PELI2: variants seen among roughly 807,000 people sequenced by gnomAD.
PELI2 encodes the protein pellino E3 ubiquitin protein ligase family member 2.
Under a neutral mutation model 42.3 loss-of-function variants are expected in PELI2, and 23 were observed. That is an observed-to-expected ratio of 0.54 (90% CI 0.39 to 0.77). The LOEUF is 0.77. Ranked by LOEUF, PELI2 falls within the 30% of genes least tolerant of loss-of-function variation. PELI2 has a pLI of 0.00. For missense variants in PELI2, 463 were observed against 553.2 expected (o/e 0.84, Z 1.64); for synonymous variants, 245 against 212.2 (o/e 1.15, Z -1.34).
At position 56,290,298 on chromosome 14, in the gene PELI2, G is replaced by A. The variant is rs1014991210; in HGVS notation, c.538G>A (p.Gly180Ser). The A allele has an allele frequency of 1.6e-5, 26 of 1,599,908 alleles. No homozygotes were observed. Among genetic ancestry groups the A allele is most frequent in the African/African-American group, 2.7e-5 (2 of 74,576 alleles). ...EKAAKWKNPDGHMDGLTTNGV... is the reference protein window; with the variant it reads ...EKAAKWKNPDSHMDGLTTNGV... Reference sequence around the variant, plus strand: ...GGCAGCAAAGTGGAAAAACCCCGACGGCCACATGGATGGGCTCACTACTAA... The same window carrying A: ...GGCAGCAAAGTGGAAAAACCCCGACAGCCACATGGATGGGCTCACTACTAA... The change falls in exon 5 of 6, where the codon GGC becomes AGC. Residue 180 changes from glycine (G) to serine (S), a missense_variant. This residue lies in a region of PELI2 where 343 missense variants were observed against 378.4 expected (regional missense o/e 0.91). Transcript: ENST00000267460.
At chr14:56,223,009 T>C (rs530112050) in intron 2 of PELI2, among the ~76,000 whole-genome samples, 1 of 152,242 alleles carries the variant, frequency 6.6e-6, no homozygotes, top group East Asian at 1.9e-4. Flanking sequence ...TATTTGAGAA[T>C]TGGGAAGGAG....
At chr14:56,271,027 C>G (rs1889086442) in intron 2 of PELI2, among the ~76,000 whole-genome samples, 1 of 152,164 alleles carries the variant, frequency 6.6e-6, no homozygotes, top group Non-Finnish European at 1.5e-5. Flanking sequence ...TAAGCATTTG[C>G]TGGATTATCA....
chr14:56,206,657 C>T (rs2139718915), intron 2 of PELI2, among the ~76,000 whole-genome samples: 1 of 152,282 alleles, frequency 6.6e-6, no homozygotes, highest in Non-Finnish European at 1.5e-5. Flanking sequence ...TGGACTTTAT[C>T]ACCAGCCCGT....
intron 2 of PELI2, among the ~76,000 whole-genome samples, chr14:56,242,353 A>G (rs191863322): frequency 1.3e-5 from 2 of 152,344 alleles, no homozygotes; most frequent in Admixed American, 6.5e-5. Context: ...ATTGAAAACA[A>G]AATTATTTTA....
chr14:56,207,213 G>GA (rs1367013131), intron 2 of PELI2, among the ~76,000 whole-genome samples: 1 of 151,778 alleles, frequency 6.6e-6, no homozygotes, highest in Non-Finnish European at 1.5e-5. Context: ...AGCTGGGAGA[G>GA]AAAAAAAATA....
At chr14:56,126,357 C>T (rs556519375) in intron 1 of PELI2, among the ~76,000 whole-genome samples, 6 of 152,306 alleles carry the variant, frequency 3.9e-5, no homozygotes, top group South Asian at 4.1e-4. Context: ...AAGGCTATTG[C>T]GAGTCATTCT....
At chr14:56,188,901 T>C (rs1885863706) in intron 2 of PELI2, among the ~76,000 whole-genome samples, 1 of 152,204 alleles carries the variant, frequency 6.6e-6, no homozygotes, top group Admixed American at 6.5e-5. Flanking sequence ...GGCTCATGTC[T>C]GTAATCCCAG....
chr14:56,267,746 A>C (rs1028510338), intron 2 of PELI2, among the ~76,000 whole-genome samples: 1 of 152,186 alleles, frequency 6.6e-6, no homozygotes, highest in Admixed American at 6.5e-5. Context: ...TCTTAAAAAA[A>C]TTCAAGTAAA....
chr14:56,148,061 A>G (rs1884198705), intron 1 of PELI2, among the ~76,000 whole-genome samples: 1 of 152,190 alleles, frequency 6.6e-6, no homozygotes, highest in Admixed American at 6.5e-5. Context: ...TCCCTGGTAA[A>G]TCCACTTCCT....
rs76913607 is a variant in PELI2 at position 56,130,000 on chromosome 14, G to T, written c.77+11263G>T. On this transcript the variant is annotated intron_variant, in intron 1 of 5. Transcript: ENST00000267460. Reference sequence around the variant, plus strand: ...GGTGCTCCTTTTGAATTGAAGTGGAGGTCCCTGGCCAGAACCTGCAGTTAA... The same window carrying T: ...GGTGCTCCTTTTGAATTGAAGTGGATGTCCCTGGCCAGAACCTGCAGTTAA... Among the ~76,000 whole-genome samples the T allele has an allele frequency of 7.4e-3, 1,131 of 152,200 alleles. 18 individuals carry two copies. Among genetic ancestry groups the T allele is most frequent in the African/African-American group, 0.026 (1,070 of 41,496 alleles).
At chr14:56,147,686 A>G (rs1884180641) in intron 1 of PELI2, among the ~76,000 whole-genome samples, 1 of 152,216 alleles carries the variant, frequency 6.6e-6, no homozygotes, top group Non-Finnish European at 1.5e-5. Flanking sequence ...CTGGGCTAAA[A>G]CAACATCGTT....
At chr14:56,236,880 G>C (rs1025025048) in intron 2 of PELI2, among the ~76,000 whole-genome samples, 7 of 152,158 alleles carry the variant, frequency 4.6e-5, no homozygotes, top group Non-Finnish European at 8.8e-5. Context: ...TTTGTACCAA[G>C]ATTTGAGATA....
Position 56,197,995 on chromosome 14 carries a change from CA to C in PELI2, c.207+19532del, listed in dbSNP as rs1566632175. Among the ~76,000 whole-genome samples, 2 of 147,196 alleles carry C rather than the reference CA, an allele frequency of 1.4e-5. No individual in the cohort carries two copies. The highest frequency in any genetic ancestry group is 2.6e-5 in the African/African-American group (1 of 38,970). Reference sequence around the variant, plus strand: ...ACACACACACACACACACACACACACACACACACACACACACACCCACCTCT... The same window carrying C: ...ACACACACACACACACACACACACACCACACACACACACACACCCACCTCT... On this transcript the variant is annotated intron_variant, in intron 2 of 5. Transcript: ENST00000267460. This position sits in a 1 kb window ranked among gnomAD's most constrained non-coding sequence, Gnocchi z 4.9.
At chr14:56,128,802 A>G (rs1883376126) in intron 1 of PELI2, among the ~76,000 whole-genome samples, 1 of 151,966 alleles carries the variant, frequency 6.6e-6, no homozygotes, top group Non-Finnish European at 1.5e-5. Context: ...GTCCATCAAG[A>G]AGGAAGCCCT....
intron 1 of PELI2, among the ~76,000 whole-genome samples, chr14:56,136,271 T>C (rs986763065): frequency 6.6e-6 from 1 of 152,186 alleles, no homozygotes; most frequent in African/African-American, 2.4e-5. Flanking sequence ...AATGTTGAGG[T>C]CCACAGTGTC....
intron 1 of PELI2, among the ~76,000 whole-genome samples, chr14:56,171,780 C>G (rs1225627221): frequency 6.7e-6 from 1 of 148,770 alleles, no homozygotes; most frequent in African/African-American, 2.4e-5. Context: ...CTTTGGGAGG[C>G]TGAGGTGGGC....
At chr14:56,245,592 T>C (rs1455085440) in intron 2 of PELI2, among the ~76,000 whole-genome samples, 1 of 152,198 alleles carries the variant, frequency 6.6e-6, no homozygotes, top group Admixed American at 6.5e-5. Flanking sequence ...TATGTGATTC[T>C]ATACAGGCAA....
At chr14:56,230,253 C>T (rs1475428852) in intron 2 of PELI2, among the ~76,000 whole-genome samples, 2 of 152,070 alleles carry the variant, frequency 1.3e-5, no homozygotes, top group Non-Finnish European at 2.9e-5. Context: ...CAGAGAATGC[C>T]ACAAAGATAC....
At chr14:56,282,415 T>C (rs1386163269) in intron 3 of PELI2, among the ~76,000 whole-genome samples, 2 of 152,096 alleles carry the variant, frequency 1.3e-5, no homozygotes, top group African/African-American at 4.8e-5. Flanking sequence ...TAATTTAATA[T>C]GGTAAAATGG....
Sources: allele counts gnomAD v4.1 joint callset (sites outside exome capture counted in the v4.1 genomes callset), GRCh38; gene constraint gnomAD v4.1.1; regional missense constraint gnomAD v4.1.1; non-coding constraint Gnocchi (gnomAD v3.1); transcripts MANE v1.5; gene names NCBI Gene and HGNC (gene_info 2026-07-23, HGNC 2026-07-21).